The following ASTN2 variants were observed in gnomAD, a reference collection of about 807,000 sequenced individuals.
ASTN2 encodes the protein astrotactin-2.
A neutral mutation model predicts 139.8 loss-of-function variants in ASTN2; 54 were observed. The observed-to-expected ratio is 0.39, with a 90% confidence interval of 0.31 to 0.48. The LOEUF (loss-of-function observed/expected upper bound fraction) is 0.48, where lower values mean the gene tolerates loss of function less well. ASTN2 is among the 20% of genes least tolerant of loss of function. The pLI is 0.95. For missense variants in ASTN2, 1,565 were observed against 1,725.1 expected (o/e 0.91, Z 1.64); for synonymous variants, 756 against 719.5 (o/e 1.05, Z -0.81).
intron 11 of ASTN2, among the ~76,000 whole-genome samples, chr9:116,831,749 A>T (rs980889533): frequency 2.0e-5 from 3 of 152,306 alleles, no homozygotes; most frequent in Non-Finnish European, 4.4e-5. Flanking sequence ...TGGCCATTAT[A>T]GTTCCTTTGC....
At chr9:116,659,143 G>A (rs1204220631) in intron 16 of ASTN2, among the ~76,000 whole-genome samples, 1 of 152,062 alleles carries the variant, frequency 6.6e-6, no homozygotes, top group Non-Finnish European at 1.5e-5. Flanking sequence ...AGTATGAACT[G>A]AATCGTTTAT....
chr9:116,576,874 C>T (rs975888150), intron 19 of ASTN2, among the ~76,000 whole-genome samples: 1 of 152,198 alleles, frequency 6.6e-6, no homozygotes, highest in African/African-American at 2.4e-5. Flanking sequence ...CCCACCCTTA[C>T]CTTGCTTATA....
At chr9:117,077,841 C>G (rs1828321318) in intron 5 of ASTN2, among the ~76,000 whole-genome samples, 1 of 152,114 alleles carries the variant, frequency 6.6e-6, no homozygotes, top group Admixed American at 6.5e-5. Flanking sequence ...GAAAAAAAAC[C>G]CTGGCCCTTC....
At chr9:117,101,398 C>T (rs1278328666) in intron 4 of ASTN2, among the ~76,000 whole-genome samples, 1 of 152,122 alleles carries the variant, frequency 6.6e-6, no homozygotes, top group Non-Finnish European at 1.5e-5. Flanking sequence ...CCCGTACTTC[C>T]ATTTAGGGGC....
chr9:116,741,900 A>C (rs1829105045), intron 13 of ASTN2, among the ~76,000 whole-genome samples: 1 of 152,184 alleles, frequency 6.6e-6, no homozygotes, highest in Admixed American at 6.5e-5. Flanking sequence ...TCAAGCACTC[A>C]ATATTTAGTG....
At chr9:117,145,019 T>C (rs1306243630) in intron 3 of ASTN2, among the ~76,000 whole-genome samples, 5 of 151,946 alleles carry the variant, frequency 3.3e-5, no homozygotes, top group Admixed American at 2.0e-4. Context: ...GACTCAGGGG[T>C]ACAAGTACAG....
intron 10 of ASTN2, among the ~76,000 whole-genome samples, chr9:116,900,203 A>T (rs1410669713): frequency 6.6e-6 from 1 of 152,158 alleles, no homozygotes; most frequent in Non-Finnish European, 1.5e-5. Flanking sequence ...GGCAAGAAAA[A>T]CCTGTTGGGC....
intron 19 of ASTN2, among the ~76,000 whole-genome samples, chr9:116,559,566 T>C (rs1413761859): frequency 6.6e-6 from 1 of 152,234 alleles, no homozygotes; most frequent in African/African-American, 2.4e-5. Context: ...GGATGTTGTC[T>C]GTGAATCCAA....
At chr9:116,742,540 C>T (rs10739471) in intron 13 of ASTN2, among the ~76,000 whole-genome samples, 112,268 of 151,946 alleles carry the variant, frequency 0.74, 41,645 homozygotes, top group East Asian at 0.86. Context: ...TTAAGAATCT[C>T]GATACGGGTG....
chr9:116,723,683 A>T (rs1352218629), intron 16 of ASTN2, among the ~76,000 whole-genome samples: 1 of 152,150 alleles, frequency 6.6e-6, no homozygotes. Flanking sequence ...ATTCCCTAGC[A>T]TCACTCCCAA....
At chr9:117,083,574 C>T (rs1049120275) in intron 5 of ASTN2, among the ~76,000 whole-genome samples, 1 of 152,122 alleles carries the variant, frequency 6.6e-6, no homozygotes, top group Non-Finnish European at 1.5e-5. Flanking sequence ...TAAGAGAACA[C>T]TGGCCGTCTC....
chr9:117,015,306 C>A (rs7849983), intron 6 of ASTN2, among the ~76,000 whole-genome samples: 7,302 of 152,166 alleles, frequency 0.048, 447 homozygotes, highest in African/African-American at 0.15. Flanking sequence ...GGTGTGAACC[C>A]CTGCCCTTGG....
chr9:116,622,403 A>G (rs538852384), intron 17 of ASTN2, among the ~76,000 whole-genome samples: 4 of 152,250 alleles, frequency 2.6e-5, no homozygotes, highest in Non-Finnish European at 5.9e-5. Flanking sequence ...AATAAAAAAT[A>G]ATTATAATAA....
At chr9:117,043,293 G>A (rs1245092377) in intron 5 of ASTN2, among the ~76,000 whole-genome samples, 1 of 152,142 alleles carries the variant, frequency 6.6e-6, no homozygotes, top group East Asian at 1.9e-4. Flanking sequence ...GATGTGAAAG[G>A]TAGTGAGAGG....
At chr9:117,245,482 G>C (rs1833353240) in intron 2 of ASTN2, among the ~76,000 whole-genome samples, 1 of 152,122 alleles carries the variant, frequency 6.6e-6, no homozygotes, top group African/African-American at 2.4e-5. Context: ...ACTCCATCTA[G>C]TCCTCAATTG....
At chr9:117,407,194 A>G (rs527252647) in intron 1 of ASTN2, among the ~76,000 whole-genome samples, 3 of 152,338 alleles carry the variant, frequency 2.0e-5, no homozygotes, top group South Asian at 4.1e-4. Flanking sequence ...ATAAGAAGGA[A>G]GGGTTCTTAG....
intron 13 of ASTN2, among the ~76,000 whole-genome samples, chr9:116,771,667 A>T (rs573340787): frequency 6.6e-6 from 1 of 152,306 alleles, no homozygotes; most frequent in African/African-American, 2.4e-5. Flanking sequence ...AATTTCCATT[A>T]TATTTAGAGT....
At chr9:116,679,742 T>C (rs1357860104) in intron 16 of ASTN2, among the ~76,000 whole-genome samples, 2 of 152,078 alleles carry the variant, frequency 1.3e-5, no homozygotes, top group African/African-American at 4.8e-5. Context: ...CTCAACTACA[T>C]GGAAACTGAA....
intron 22 of ASTN2, among the ~76,000 whole-genome samples, chr9:116,429,485 G>A (rs1243155418): frequency 6.6e-6 from 1 of 152,072 alleles, no homozygotes; most frequent in Non-Finnish European, 1.5e-5. Context: ...TCTATACAAA[G>A]GGAACAGCAG....
Sources: allele counts gnomAD v4.1 joint callset (sites outside exome capture counted in the v4.1 genomes callset), GRCh38; gene constraint gnomAD v4.1.1; transcripts MANE v1.5; gene names NCBI Gene and HGNC (gene_info 2026-07-23, HGNC 2026-07-21).